The following CDH13 variants were observed in gnomAD, a reference collection of about 807,000 sequenced individuals.
CDH13 encodes cadherin-13.
CDH13 carries 24 observed loss-of-function variants against 63.8 expected under a neutral mutation model. That is an observed-to-expected ratio of 0.38 (90% confidence interval 0.27 to 0.53). The LOEUF (loss-of-function observed/expected upper bound fraction) is 0.53. CDH13 is among the 20% of genes least tolerant of loss of function. CDH13 has a pLI of 0.85. For synonymous variants in CDH13, 503 were observed against 355.3 expected, an observed-to-expected ratio of 1.42 and a Z score of -4.67; for missense variants, 1,049 against 903.1, an observed-to-expected ratio of 1.16 and a Z score of -2.07.
chr16:83,267,333 G>C (rs1399337820), intron 5 of CDH13, among the ~76,000 whole-genome samples: 2 of 152,094 alleles, frequency 1.3e-5, no homozygotes, highest in African/African-American at 2.4e-5. Context: ...GAGCCCGGCT[G>C]GATTATCCTC....
intron 10 of CDH13, among the ~76,000 whole-genome samples, chr16:83,691,913 C>T (rs1248738248): frequency 2.6e-5 from 4 of 152,184 alleles, no homozygotes; most frequent in African/African-American, 9.7e-5. Context: ...GAGCCTTCTG[C>T]ATTAGATCAC....
intron 1 of CDH13, among the ~76,000 whole-genome samples, chr16:82,643,850 C>G (rs776516248): frequency 7.9e-5 from 12 of 152,118 alleles, no homozygotes; most frequent in Middle Eastern, 3.4e-3. Context: ...TCAAGCAACC[C>G]TCTTGCCTCA....
intron 6 of CDH13, among the ~76,000 whole-genome samples, chr16:83,392,106 A>G (rs2091799101): frequency 6.6e-6 from 1 of 152,104 alleles, no homozygotes; most frequent in South Asian, 2.1e-4. Flanking sequence ...GCACTTCGAA[A>G]GCACACCCCT....
chr16:83,202,570 G>A (rs1164143769), intron 4 of CDH13, among the ~76,000 whole-genome samples: 1 of 152,078 alleles, frequency 6.6e-6, no homozygotes, highest in African/African-American at 2.4e-5. Flanking sequence ...TGAAAATCAT[G>A]GAAATTTTAT....
chr16:82,938,245 G>A (rs1015487406), intron 2 of CDH13, among the ~76,000 whole-genome samples: 4 of 152,168 alleles, frequency 2.6e-5, no homozygotes, highest in Admixed American at 6.5e-5. Context: ...TGGTTACATT[G>A]TATATCTTAC....
chr16:83,019,836 TA>T (rs562381483), intron 2 of CDH13, among the ~76,000 whole-genome samples: 1,889 of 100,790 alleles, frequency 0.019, 28 homozygotes, highest in African/African-American at 0.057. Flanking sequence ...GAGTACACTC[TA>T]AAAAAAAAAA....
At chr16:83,608,636 C>T (rs1908570836) in intron 8 of CDH13, among the ~76,000 whole-genome samples, 1 of 151,918 alleles carries the variant, frequency 6.6e-6, no homozygotes, top group African/African-American at 2.4e-5. Context: ...CAGGCATACA[C>T]CACCATGTCT....
chr16:83,593,816 A>T (rs1906996068), intron 7 of CDH13, among the ~76,000 whole-genome samples: 1 of 152,324 alleles, frequency 6.6e-6, no homozygotes, highest in South Asian at 2.1e-4. Context: ...AGAAGCTCGG[A>T]TTGTCATAGC....
At chr16:82,959,580 T>C (rs1361990442) in intron 2 of CDH13, among the ~76,000 whole-genome samples, 3 of 152,176 alleles carry the variant, frequency 2.0e-5, no homozygotes, top group Non-Finnish European at 4.4e-5. Context: ...TTACATCTCC[T>C]TTGCACTCTT....
At chr16:83,165,417 T>A (rs1256218422) in intron 4 of CDH13, among the ~76,000 whole-genome samples, 1 of 152,170 alleles carries the variant, frequency 6.6e-6, no homozygotes, top group East Asian at 1.9e-4. Flanking sequence ...AATTTGCTTT[T>A]GACCACAGCA....
intron 2 of CDH13, among the ~76,000 whole-genome samples, chr16:82,918,654 A>C (rs1350401111): frequency 1.3e-5 from 2 of 151,916 alleles, no homozygotes; most frequent in Admixed American, 6.6e-5. Context: ...GATTACAGGT[A>C]CCCACTGCCA....
intron 5 of CDH13, among the ~76,000 whole-genome samples, chr16:83,329,416 T>C (rs2090435420): frequency 7.0e-6 from 1 of 142,308 alleles, no homozygotes; most frequent in Non-Finnish European, 1.5e-5. Flanking sequence ...TTTTTTTTTT[T>C]AGTAGAGATG....
chr16:83,524,495 C>T (rs1008966132), intron 7 of CDH13, among the ~76,000 whole-genome samples: 3 of 124,470 alleles, frequency 2.4e-5, no homozygotes, highest in African/African-American at 9.3e-5. Context: ...CACTGTTGCC[C>T]AGGCTGGACT....
At chr16:83,605,900 G>C (rs1297870577) in intron 8 of CDH13, among the ~76,000 whole-genome samples, 1 of 152,154 alleles carries the variant, frequency 6.6e-6, no homozygotes, top group African/African-American at 2.4e-5. Flanking sequence ...AATTCTGCAG[G>C]AGAGGTGGCA....
At chr16:82,772,097 G>C (rs1371394276) in intron 1 of CDH13, among the ~76,000 whole-genome samples, 1 of 152,214 alleles carries the variant, frequency 6.6e-6, no homozygotes, top group Non-Finnish European at 1.5e-5. Flanking sequence ...GTGTCGGTTA[G>C]CAATGGCTTG....
chr16:82,874,131 G>T (rs1486144813), intron 2 of CDH13, among the ~76,000 whole-genome samples: 1 of 152,106 alleles, frequency 6.6e-6, no homozygotes, highest in East Asian at 1.9e-4. Context: ...CATTTCAATA[G>T]TAAAACATAT....
intron 6 of CDH13, among the ~76,000 whole-genome samples, chr16:83,378,245 C>G (rs1333015315): frequency 6.6e-6 from 1 of 152,168 alleles, no homozygotes; most frequent in Non-Finnish European, 1.5e-5. Flanking sequence ...AAAACAACAA[C>G]TGAGAATCTT....
intron 2 of CDH13, among the ~76,000 whole-genome samples, chr16:82,995,464 G>A (rs2151414046): frequency 6.6e-6 from 1 of 152,254 alleles, no homozygotes; most frequent in African/African-American, 2.4e-5. Context: ...CAAACGTGGT[G>A]GTGAATCATC....
At chr16:83,164,788 A>G (rs1430875804) in intron 4 of CDH13, among the ~76,000 whole-genome samples, 3 of 151,996 alleles carry the variant, frequency 2.0e-5, no homozygotes, top group Non-Finnish European at 4.4e-5. Flanking sequence ...CCAGTAATAG[A>G]GACTACCAAT....
Sources: gnomAD v4.1 joint callset for allele counts (sites outside exome capture counted in the v4.1 genomes callset) on GRCh38, gnomAD v4.1.1 for gene constraint, MANE v1.5 for transcripts, NCBI Gene and HGNC (gene_info 2026-07-23, HGNC 2026-07-21) for gene names.